The following MYO7A variants were observed in gnomAD, a reference collection of about 807,000 sequenced individuals.
MYO7A encodes the protein myosin VIIA.
In MYO7A, 210 loss-of-function variants were observed where a neutral mutation model predicts 263.8. The ratio of observed to expected loss-of-function variants is 0.80; its 90% CI spans 0.71 to 0.89. MYO7A has a LOEUF of 0.89. Among genes scored for constraint, MYO7A ranks in the 40% least tolerant of loss-of-function variants. The probability of loss-of-function intolerance (pLI) is 0.00; values close to 1 mark genes in which losing one functional copy is unlikely to be tolerated. For synonymous variants in MYO7A, 1,239 were observed against 1,197.3 expected, an observed-to-expected ratio of 1.03 and a Z score of -0.72; for missense variants, 2,820 against 2,968.3, an observed-to-expected ratio of 0.95 and a Z score of 1.16.
intron 37 of MYO7A, among the ~76,000 whole-genome samples, 166 bp from the exon 38 acceptor site, chr11:77,202,894 A>G (rs922020227): frequency 7.2e-6 from 1 of 139,600 alleles, no homozygotes; most frequent in African/African-American, 2.7e-5. Flanking sequence ...AGTGACTGCC[A>G]GTGACTCGCC....
chr11:77,139,114 C>T (rs1591184752), intron 2 of MYO7A, among the ~76,000 whole-genome samples: 1 of 152,214 alleles, frequency 6.6e-6, no homozygotes, highest in African/African-American at 2.4e-5. Context: ...TCTTTACATG[C>T]ACTGACTCCT....
Position 77,211,958 on chromosome 11 carries a change from A to G in MYO7A, c.6354+21A>G, listed in dbSNP as rs780225541. The G allele has an allele frequency of 4.4e-6, 7 of 1,581,684 alleles. No homozygotes were observed. In the South Asian group the frequency reaches 6.7e-5, roughly 15 times the overall value. On this transcript the variant is annotated intron_variant, in intron 46 of 48. Transcript: ENST00000409709. Reference sequence around the variant, plus strand: ...TGAAGGTACACCATGGGCTTCTCAGAGCAGAGGAGGAGGGGAACAGGGCAT... The same window carrying G: ...TGAAGGTACACCATGGGCTTCTCAGGGCAGAGGAGGAGGGGAACAGGGCAT...
At chr11:77,208,987 G>A in intron 44 of MYO7A, 184 bp downstream of exon 44, 1 of 604,790 alleles carries the variant, frequency 1.7e-6, no homozygotes, top group Non-Finnish European at 3.0e-6. Context: ...TGTATCTTCT[G>A]ATTCTTCAGC....
chr11:77,153,942 G>A (rs1261663622), intron 4 of MYO7A, among the ~76,000 whole-genome samples: 1 of 152,204 alleles, frequency 6.6e-6, no homozygotes, highest in African/African-American at 2.4e-5. Flanking sequence ...AGACGGCTGA[G>A]CATCACATTA....
chr11:77,141,321 C>T (rs1384928057), intron 2 of MYO7A, among the ~76,000 whole-genome samples: 2 of 152,168 alleles, frequency 1.3e-5, no homozygotes, highest in Non-Finnish European at 1.5e-5. Flanking sequence ...AATTGAGGCT[C>T]AGAGAGGTCA....
At chr11:77,157,091 G>A (rs1463645248) in intron 7 of MYO7A, 87 bp downstream of exon 7, 63 of 1,542,670 alleles carry the variant, frequency 4.1e-5, no homozygotes, top group African/African-American at 9.5e-5. Context: ...ATTGCTGCCC[G>A]TATTGCTCCC....
chr11:77,203,054 C>A lies in MYO7A; in HGVS notation c.5169-6C>A. The A allele has an allele frequency of 4.5e-6, 7 of 1,547,598 alleles. No homozygotes were observed. The highest frequency in any genetic ancestry group is 6.1e-6 in the Non-Finnish European group (7 of 1,146,490). On this transcript the variant is annotated splice_region_variant and splice_polypyrimidine_tract_variant and intron_variant, in intron 37 of 48. Transcript: ENST00000409709. Reference sequence around the variant, plus strand: ...GGCGTTGCTGACGGTCCCTGTGCTGCGGCAGGCCCCCACCCAAGCACACGC... The same window carrying A: ...GGCGTTGCTGACGGTCCCTGTGCTGAGGCAGGCCCCCACCCAAGCACACGC...
intron 2 of MYO7A, among the ~76,000 whole-genome samples, chr11:77,131,541 G>C (rs879963647): frequency 6.6e-6 from 1 of 152,208 alleles, no homozygotes; most frequent in South Asian, 2.1e-4. Flanking sequence ...CTGTTCAAAC[G>C]CCCATTAGAG....
rs1383953482 is a variant in MYO7A, at chr11:77,138,116, G to T, written c.19-4593G>T. 6.6e-6 allele frequency among the ~76,000 whole-genome samples: 1 copy of T among 152,154 alleles called. No individual in the cohort carries two copies. The highest frequency in any genetic ancestry group is 2.4e-5 in the African/African-American group (1 of 41,450). ...GATTCCGGGCAAAGTGGGGCTGTGG[G>T]GGGTTCGGCCGAGACGGAGGGGGCC... On this transcript the variant is annotated intron_variant, in intron 2 of 48. Coordinates refer to ENST00000409709, the MANE Select transcript of MYO7A (RefSeq NM_000260.4). This position sits in a 1 kb window ranked among gnomAD's most constrained non-coding sequence, Gnocchi z 4.9.
chr11:77,134,044 C>T (rs776648779), intron 2 of MYO7A, among the ~76,000 whole-genome samples: 15 of 152,200 alleles, frequency 9.9e-5, no homozygotes, highest in Non-Finnish European at 1.5e-4. Flanking sequence ...ATTCTCCTGC[C>T]TCAGCCTCCC....
intron 27 of MYO7A, among the ~76,000 whole-genome samples, chr11:77,185,983 C>T (rs755109542): frequency 4.1e-4 from 61 of 148,054 alleles, no homozygotes; most frequent in Non-Finnish European, 7.1e-4. Context: ...AGTGCAGTGG[C>T]GCCATCTCAG....
rs1488623465 is a variant in MYO7A, at chr11:77,199,666, C to T, written c.4700C>T (p.Ala1567Val). ...CWSCRGAKTT[A>V]PSFTLATIKG... is the part of the protein sequence containing the mutation. ...TCCTGCAGGGGAGCGAAAACGACGG[C>T]CCCCAGCTTCACGCTGGCCACCATC... Residue 1567 changes from alanine to valine, a missense_variant, in exon 35 of 49, where the codon GCC (alanine) becomes GTC (valine). Ala to Val is a moderately conservative substitution (Grantham distance 64, BLOSUM62 0). Transcript: ENST00000409709. 3.1e-6 allele frequency: 5 copies of T among 1,612,926 alleles called. No individual in the cohort carries two copies. Among genetic ancestry groups the T allele is most frequent in the Non-Finnish European group, 4.2e-6 (5 of 1,179,738 alleles).
chr11:77,192,382 G>T, intron 31 of MYO7A, 104 bp downstream of exon 31: 5 of 1,205,632 alleles, frequency 4.1e-6, no homozygotes, highest in Non-Finnish European at 6.0e-6. Context: ...GCTCAGGCTG[G>T]GGTGAGCCTG....
At chr11:77,177,137 G>A (rs540133456) in intron 18 of MYO7A, among the ~76,000 whole-genome samples, 136 of 152,278 alleles carry the variant, frequency 8.9e-4, no homozygotes, top group Middle Eastern at 6.8e-3. Flanking sequence ...AGGAGGCCGC[G>A]AGACCTTTAG....
Position 77,203,106 on chromosome 11 carries a change from C to T in MYO7A, c.5215C>T (p.Arg1739Ter), listed in dbSNP as rs111033477. The change falls in exon 38 of 49, where the codon CGA (arginine) becomes TGA (stop). Residue 1739 changes from arginine (R) to a stop codon, truncating the protein, a stop_gained. Coordinates refer to ENST00000409709, the MANE Select transcript of MYO7A (RefSeq NM_000260.4). LOFTEE classifies it high-confidence loss of function. The stretch of plus-strand genomic sequence containing the variant: ...GAGCCGTGTCATGGTGTCCAAGGCC[C>T]GAGGCAAGGACCGGCTGTGGAGCCA... ...TLSRVMVSKA[R>*]GKDRLWSHTR... 3.2e-6 allele frequency: 5 copies of T among 1,549,206 alleles called. No homozygotes were observed. The highest frequency in any genetic ancestry group is 4.4e-6 in the Non-Finnish European group (5 of 1,147,098).
rs111033504 is a variant in MYO7A, at chr11:77,205,579, C to T, written c.5598C>T (p.Leu1866=). The change falls in exon 40 of 49, where the codon CTC becomes CTT. Residue 1866 remains leucine, a synonymous_variant. Transcript: ENST00000409709. ...RFLQSRKHCP[L]AIDCLQRLQK... is the part of the protein sequence containing the mutation. ...TGCAGTCCCGAAAGCACTGCCCACT[C>T]GCCATCGACTGCCTGCAACGGCTCC... 1.3e-3 allele frequency: 2,108 copies of T among 1,613,434 alleles called. 24 individuals carry two copies. In the African/African-American group the frequency reaches 0.024, roughly 19 times the overall value.
intron 4 of MYO7A, among the ~76,000 whole-genome samples, chr11:77,152,551 G>A (rs1555057739): frequency 2.0e-5 from 3 of 152,176 alleles, no homozygotes; most frequent in Non-Finnish European, 2.9e-5. Context: ...ATAATTGGCA[G>A]TGGATGTATT....
rs1255925725 is a variant in MYO7A, at chr11:77,138,668, CG to C, written c.19-4036del. Among the ~76,000 whole-genome samples, 1 of 152,142 alleles carries C rather than the reference CG, an allele frequency of 6.6e-6. No homozygotes were observed. The highest frequency in any genetic ancestry group is 1.5e-5 in the Non-Finnish European group (1 of 68,008). On this transcript the variant is annotated intron_variant, in intron 2 of 48. Transcript: ENST00000409709. This position sits in a 1 kb window ranked among gnomAD's most constrained non-coding sequence, Gnocchi z 4.9. ...CCAAGCCAGGCAGGCCAGGTCTGGG[CG>C]GGGGTGTCCTGCATTTGCTGAGATC...
intron 10 of MYO7A, 61 bp from the exon 11 acceptor site, chr11:77,160,102 G>A (rs1458254082): frequency 6.5e-6 from 10 of 1,528,038 alleles, no homozygotes; most frequent in Admixed American, 5.9e-5. Flanking sequence ...GGAGGGATCC[G>A]GGTGTGGGTG....
Sources: gnomAD v4.1 joint callset for allele counts (sites outside exome capture counted in the v4.1 genomes callset) on GRCh38, gnomAD v4.1.1 for gene constraint, Gnocchi (gnomAD v3.1) non-coding constraint, MANE v1.5 for transcripts, NCBI Gene and HGNC (gene_info 2026-07-23, HGNC 2026-07-21) for gene names.